The following MATCAP2 variants were observed in gnomAD, a reference collection of about 807,000 sequenced individuals.
MATCAP2 encodes putative tyrosine carboxypeptidase MATCAP2.
chr7:36,385,568 T>G, the MATCAP2 span, among the ~76,000 whole-genome samples: 1 of 152,088 alleles, frequency 6.6e-6, no homozygotes, highest in South Asian at 2.1e-4. Flanking sequence ...GAGGATCATT[T>G]GAGGCCAGGA....
chr7:36,329,524 T>C, the MATCAP2 span, among the ~76,000 whole-genome samples: 65 of 152,278 alleles, frequency 4.3e-4, 2 homozygotes, highest in Non-Finnish European at 4.6e-4. Context: ...GTAGGAAAAG[T>C]ACAAACTGTG....
the MATCAP2 span, among the ~76,000 whole-genome samples, chr7:36,328,239 T>TTG: frequency 2.0e-4 from 5 of 25,252 alleles, no homozygotes; most frequent in South Asian, 8.5e-3. Context: ...TTTGTTTTTG[T>TTG]AGGGGGGGGG....
chr7:36,365,262 A>G, the MATCAP2 span, among the ~76,000 whole-genome samples: 1 of 152,092 alleles, frequency 6.6e-6, no homozygotes, highest in Admixed American at 6.5e-5. Context: ...CAGAATCTAT[A>G]TTTTTCTTCA....
the MATCAP2 span, chr7:36,389,767 C>A: frequency 4.1e-6 from 2 of 488,278 alleles, no homozygotes; most frequent in Non-Finnish European, 6.7e-6. Flanking sequence ...GCCACGTGAC[C>A]GAGCGCAGGG....
At chr7:36,326,740 G>GT in the MATCAP2 span, 11 of 1,602,212 alleles carry the variant, frequency 6.9e-6, no homozygotes, top group Non-Finnish European at 9.4e-6. Flanking sequence ...GCTTAGCTAT[G>GT]TTTGCCAGAA....
chr7:36,331,981 G>C, the MATCAP2 span, among the ~76,000 whole-genome samples: 1 of 152,168 alleles, frequency 6.6e-6, no homozygotes, highest in Non-Finnish European at 1.5e-5. Flanking sequence ...CTTTAAAATA[G>C]TATAGGAAAA....
the MATCAP2 span, among the ~76,000 whole-genome samples, chr7:36,345,829 C>T: frequency 6.6e-6 from 1 of 152,052 alleles, no homozygotes; most frequent in African/African-American, 2.4e-5. Flanking sequence ...ACCAAAAGCA[C>T]AAACAACAAA....
the MATCAP2 span, among the ~76,000 whole-genome samples, chr7:36,387,531 TA>T: frequency 6.6e-6 from 1 of 152,032 alleles, no homozygotes; most frequent in East Asian, 1.9e-4. Flanking sequence ...TGAAAGGAGG[TA>T]TAGTAGGAGA....
At chr7:36,383,765 A>G in the MATCAP2 span, 5 of 794,922 alleles carry the variant, frequency 6.3e-6, no homozygotes, top group South Asian at 1.7e-5. Context: ...ATGCCTATGT[A>G]ACAAACCTGC....
chr7:36,342,765 C>T, the MATCAP2 span, among the ~76,000 whole-genome samples: 2 of 152,218 alleles, frequency 1.3e-5, no homozygotes, highest in Non-Finnish European at 2.9e-5. Context: ...GCTGAGACTG[C>T]AGGCGCATGC....
the MATCAP2 span, among the ~76,000 whole-genome samples, chr7:36,376,133 C>G: frequency 6.6e-6 from 1 of 152,158 alleles, no homozygotes; most frequent in Non-Finnish European, 1.5e-5. Context: ...CTTCTGCTAG[C>G]TTTTGAATTT....
the MATCAP2 span, among the ~76,000 whole-genome samples, chr7:36,380,790 C>T: frequency 7.2e-5 from 11 of 152,192 alleles, no homozygotes; most frequent in South Asian, 2.1e-4. Context: ...AGTGCAGTGG[C>T]ACGGTCTCGG....
chr7:36,389,890 G>A, the MATCAP2 span: 548 of 1,503,600 alleles, frequency 3.6e-4, 3 homozygotes, highest in African/African-American at 6.5e-3. Context: ...CGAGAGGAGA[G>A]GACAGCTGGT....
chr7:36,367,973 G>A, the MATCAP2 span, among the ~76,000 whole-genome samples: 1 of 152,052 alleles, frequency 6.6e-6, no homozygotes, highest in African/African-American at 2.4e-5. Context: ...GCCGAGGTGG[G>A]AGGATTGCTT....
At chr7:36,373,123 A>T in the MATCAP2 span, among the ~76,000 whole-genome samples, 1 of 139,990 alleles carries the variant, frequency 7.1e-6, no homozygotes, top group Non-Finnish European at 1.6e-5. Context: ...AAAAAAAAAA[A>T]GAGGGCAATA....
the MATCAP2 span, among the ~76,000 whole-genome samples, chr7:36,337,432 G>A: frequency 6.6e-6 from 1 of 152,074 alleles, no homozygotes; most frequent in Non-Finnish European, 1.5e-5. Flanking sequence ...GCTTTTCAAA[G>A]GCCTTTTGGG....
chr7:36,352,004 T>G, the MATCAP2 span, among the ~76,000 whole-genome samples: 2 of 149,266 alleles, frequency 1.3e-5, no homozygotes, highest in Non-Finnish European at 3.0e-5. Flanking sequence ...GTTTTTCCAC[T>G]CAAATAGACA....
At chr7:36,366,831 G>A in the MATCAP2 span, 7 of 1,519,308 alleles carry the variant, frequency 4.6e-6, no homozygotes, top group South Asian at 1.2e-5. Context: ...GCGCCCAGCC[G>A]GTGGCTACCA....
At chr7:36,353,218 G>A in the MATCAP2 span, among the ~76,000 whole-genome samples, 3 of 152,154 alleles carry the variant, frequency 2.0e-5, no homozygotes, top group African/African-American at 7.2e-5. Flanking sequence ...GTTCAAGGCT[G>A]CAGTGAGCTA....
Sources: allele counts gnomAD v4.1 joint callset (sites outside exome capture counted in the v4.1 genomes callset), GRCh38; gene constraint gnomAD v4.1.1; transcripts MANE v1.5; gene names NCBI Gene and HGNC (gene_info 2026-07-23, HGNC 2026-07-21).